ENTPD7: variants seen among roughly 807,000 people sequenced by gnomAD.
The protein encoded by ENTPD7 is NTPDase 7.
A neutral mutation model predicts 77.9 loss-of-function variants in ENTPD7; 53 were observed. The ratio of observed to expected loss-of-function variants is 0.68; its 90% CI spans 0.55 to 0.85. ENTPD7 has a LOEUF of 0.85. Among genes scored for constraint, ENTPD7 ranks in the 40% least tolerant of loss-of-function variants. The probability of loss-of-function intolerance (pLI) is 0.00; values close to 1 mark genes in which losing one functional copy is unlikely to be tolerated. For synonymous variants in ENTPD7, 248 were observed against 274.9 expected, an observed-to-expected ratio of 0.90 and a Z score of 0.97; for missense variants, 636 against 743.7, an observed-to-expected ratio of 0.86 and a Z score of 1.68.
intron 5 of ENTPD7, among the ~76,000 whole-genome samples, chr10:99,682,821 A>C (rs2035769554): frequency 1.3e-5 from 2 of 152,236 alleles, no homozygotes; most frequent in African/African-American, 2.4e-5. Context: ...AGGCCAAGGA[A>C]AGGGGAGGGA....
At chr10:99,698,113 G>T (rs909779341) in intron 9 of ENTPD7, among the ~76,000 whole-genome samples, 2 of 152,102 alleles carry the variant, frequency 1.3e-5, no homozygotes, top group African/African-American at 4.8e-5. Context: ...GGCCACTGCC[G>T]TGGTCTGCTC....
chr10:99,661,617 G>A lies in ENTPD7; in HGVS notation c.180G>A (p.Arg60=), dbSNP rs752609512. 9 of 1,605,720 alleles carry A rather than the reference G, an allele frequency of 5.6e-6. No homozygotes were observed. The East Asian group carries it at 1.8e-4, about 32-fold the overall frequency. ...GGAGTGCTTCATTACCACGAGATAG[G>A]CAATACGAAAGGTGAGTCAGCTTTA... ...RHWSASLPRD[R]QYERYLARVG... Residue 60 remains arginine, a synonymous_variant, in exon 3 of 13, where the codon AGG becomes AGA. Coordinates refer to ENST00000370489, the MANE Select transcript of ENTPD7 (RefSeq NM_020354.5).
At position 99,659,935 on chromosome 10, in the gene ENTPD7, T is replaced by C; in HGVS notation, c.-22T>C. 6.2e-7 allele frequency: 1 copy of C among 1,613,990 alleles called. No homozygotes were observed. Among genetic ancestry groups the C allele is most frequent in the Non-Finnish European group, 8.5e-7 (1 of 1,179,966 alleles). On this transcript the variant is annotated 5_prime_UTR_variant, in exon 2 of 13. Coordinates refer to ENST00000370489, the MANE Select transcript of ENTPD7 (RefSeq NM_020354.5). This position sits in a 1 kb window ranked among gnomAD's most constrained non-coding sequence, Gnocchi z 4.1. ...CAAAAGAAAAAGAAGGTGACAGGCG[T>C]TGAGACCACCGAAGGGAACCCATGG...
intron 3 of ENTPD7, among the ~76,000 whole-genome samples, chr10:99,669,756 T>G (rs1459005177): frequency 3.8e-5 from 5 of 132,030 alleles, no homozygotes; most frequent in African/African-American, 8.5e-5. Flanking sequence ...TTTTTTTTTT[T>G]TTTTTTTTTT....
At position 99,709,064 on chromosome 10, in the gene ENTPD7, C is replaced by G. The variant is rs992676810; in HGVS notation, c.*4381C>G. 1.0e-6 allele frequency: 1 copy of G among 982,120 alleles called. No homozygotes were observed. Among genetic ancestry groups the G allele is most frequent in the African/African-American group, 1.8e-5 (1 of 57,138 alleles). The allele number at this position is 982,120 out of a possible 1,614,324, so 60.8% of individuals were successfully genotyped here. On this transcript the variant is annotated 3_prime_UTR_variant, in exon 13 of 13. Transcript: ENST00000370489. ...CTATTCTTGTTCCTGTATTTCTTTTCGTACTTTTAAATTTTATACATCTTT... is the reference window on the plus strand; with the variant it reads ...CTATTCTTGTTCCTGTATTTCTTTTGGTACTTTTAAATTTTATACATCTTT...
Position 99,704,326 on chromosome 10 carries a change from G to C in ENTPD7, c.1584-126G>C, listed in dbSNP as rs553679544. 2.9e-4 allele frequency: 262 copies of C among 900,146 alleles called. 1 individual carries two copies. Among genetic ancestry groups the C allele is most frequent in the Non-Finnish European group, 3.9e-4 (227 of 581,334 alleles). 55.8% of individuals were successfully genotyped at this position (900,146 alleles called of 1,614,324 possible). On this transcript the variant is annotated intron_variant, in intron 12 of 12. Coordinates refer to ENST00000370489, the MANE Select transcript of ENTPD7 (RefSeq NM_020354.5). Reference sequence around the variant, plus strand: ...TCAGCTTTGCCTGCTCTGTGGAGCTGGTGTCATAAAATGTTTATGTGGATG... The same window carrying C: ...TCAGCTTTGCCTGCTCTGTGGAGCTCGTGTCATAAAATGTTTATGTGGATG...
Position 99,679,716 on chromosome 10 carries a change from T to C in ENTPD7, c.398-9T>C, listed in dbSNP as rs1167709086. ...GAAAGTTTTGTCTGTTTGTTTGTTT[T>C]AACTTAAGGAATCTCTGCAATGGCA... On this transcript the variant is annotated splice_polypyrimidine_tract_variant and intron_variant, in intron 4 of 12. Coordinates refer to ENST00000370489, the MANE Select transcript of ENTPD7 (RefSeq NM_020354.5). The C allele has an allele frequency of 2.2e-5, 35 of 1,601,846 alleles. No individual in the cohort carries two copies. Among genetic ancestry groups the C allele is most frequent in the Non-Finnish European group, 2.9e-5 (34 of 1,176,262 alleles).
chr10:99,677,556 G>A (rs2035700165), intron 3 of ENTPD7, among the ~76,000 whole-genome samples: 1 of 151,902 alleles, frequency 6.6e-6, no homozygotes, highest in Non-Finnish European at 1.5e-5. Context: ...GTAGAAATGG[G>A]GTTTCACCAT....
Position 99,663,990 on chromosome 10 carries a change from C to T in ENTPD7, c.191+2362C>T, listed in dbSNP as rs537975176. On this transcript the variant is annotated intron_variant, in intron 3 of 12. Transcript: ENST00000370489. ...GTCTTTTTTCTCTCTGTGTTTCATT[C>T]GTATATTTTTTTGCTGCTTTCAAAT... Among the ~76,000 whole-genome samples, 319 of 151,810 alleles carry T rather than the reference C, an allele frequency of 2.1e-3. 2 individuals carry two copies. The highest frequency in any genetic ancestry group is 0.01 in the Middle Eastern group (3 of 294).
At chr10:99,660,021 T>TG (rs922954595) in intron 2 of ENTPD7, 57 bp downstream of exon 2, 21 of 1,612,662 alleles carry the variant, frequency 1.3e-5, no homozygotes, top group Non-Finnish European at 1.8e-5. Flanking sequence ...GCAGGCAGGT[T>TG]GGGGGGCCCT....
intron 5 of ENTPD7, 116 bp downstream of exon 5, chr10:99,679,991 C>T (rs980281283): frequency 3.3e-6 from 4 of 1,227,612 alleles, no homozygotes; most frequent in South Asian, 1.6e-5. Context: ...AATTATGACA[C>T]AATCATTCAT....
At chr10:99,676,030 C>T (rs978330436) in intron 3 of ENTPD7, among the ~76,000 whole-genome samples, 17 of 152,246 alleles carry the variant, frequency 1.1e-4, no homozygotes, top group Middle Eastern at 3.4e-3. Context: ...TAGATTTTCA[C>T]ACAAATGCTT....
chr10:99,709,465 C>CA lies in ENTPD7; in HGVS notation c.*4788dup. 1 of 985,270 alleles carries CA rather than the reference C, an allele frequency of 1.0e-6. No homozygotes were observed. 61.0% of individuals were successfully genotyped at this position (985,270 alleles called of 1,614,324 possible). On this transcript the variant is annotated 3_prime_UTR_variant, in exon 13 of 13. Transcript: ENST00000370489. The stretch of plus-strand genomic sequence containing the variant: ...ACTTGTGAGGATTTTCCTGGTGTTA[C>CA]AAAAAATATTGCTGTTAAAAAACTA...
Position 99,704,862 on chromosome 10 carries a change from G to C in ENTPD7, c.*179G>C. 1.6e-6 allele frequency: 1 copy of C among 631,430 alleles called. No homozygotes were observed. Among genetic ancestry groups the C allele is most frequent in the Non-Finnish European group, 2.7e-6 (1 of 366,452 alleles). The allele number at this position is 631,430 out of a possible 1,614,324, so 39.1% of individuals were successfully genotyped here. A position where few individuals can be genotyped will look rare whatever the true frequency, so the allele number is the denominator to read the frequency against. ...CGTACCCAGGTCTTCTCTGAGAGAA[G>C]CTATAATTTAATCTGTGAGGAACTA... On this transcript the variant is annotated 3_prime_UTR_variant, in exon 13 of 13. Coordinates refer to ENST00000370489, the MANE Select transcript of ENTPD7 (RefSeq NM_020354.5).
intron 8 of ENTPD7, among the ~76,000 whole-genome samples, chr10:99,692,261 G>T (rs1487779369): frequency 2.6e-5 from 4 of 152,170 alleles, no homozygotes; most frequent in African/African-American, 9.7e-5. Context: ...GTCATCAGGG[G>T]TTATCCCATG....
chr10:99,685,719 A>C, intron 5 of ENTPD7, 73 bp from the exon 6 acceptor site: 1 of 1,064,012 alleles, frequency 9.4e-7, no homozygotes, highest in Non-Finnish European at 1.4e-6. Context: ...GGCTAAGTAG[A>C]AGGACAAGTT....
rs543727175 is a variant in ENTPD7 at position 99,695,946 on chromosome 10, T to C, written c.844-10T>C. The stretch of plus-strand genomic sequence containing the variant: ...TAAAATTCCCTTTTTCTCTTGGTAT[T>C]GTATTATAGGAAGAAGCTGCCAAGA... On this transcript the variant is annotated splice_polypyrimidine_tract_variant and intron_variant, in intron 8 of 12. Transcript: ENST00000370489. 1.3e-5 allele frequency: 21 copies of C among 1,601,284 alleles called. No individual in the cohort carries two copies. The African/African-American group carries it at 2.6e-4, about 19-fold the overall frequency.
chr10:99,686,479 G>A (rs2035812291), intron 6 of ENTPD7, among the ~76,000 whole-genome samples: 1 of 152,030 alleles, frequency 6.6e-6, no homozygotes, highest in Admixed American at 6.5e-5. Context: ...AGATTTATAT[G>A]TCTTCTAATT....
At chr10:99,687,514 C>T (rs913582665) in intron 6 of ENTPD7, among the ~76,000 whole-genome samples, 7 of 152,048 alleles carry the variant, frequency 4.6e-5, no homozygotes, top group Admixed American at 3.9e-4. Flanking sequence ...ATCCACCCAC[C>T]TCAGCCTCCC....
Sources: allele counts gnomAD v4.1 joint callset (sites outside exome capture counted in the v4.1 genomes callset), GRCh38; gene constraint gnomAD v4.1.1; non-coding constraint Gnocchi (gnomAD v3.1); transcripts MANE v1.5; gene names NCBI Gene and HGNC (gene_info 2026-07-23, HGNC 2026-07-21).